Variants in TMCO4 observed in about 807,000 individuals in gnomAD.
The protein encoded by TMCO4 is transmembrane and coiled-coil domains 4.
A neutral mutation model predicts 64.7 loss-of-function variants in TMCO4; 58 were observed. The observed-to-expected ratio is 0.90, with a 90% CI of 0.73 to 1.12. TMCO4 has a LOEUF of 1.12. Ranked by LOEUF, TMCO4 falls within the 50% of genes most tolerant of loss-of-function variation. TMCO4 has a pLI of 0.00. For synonymous variants in TMCO4, 325 were observed against 346.1 expected (o/e 0.94, Z 0.68); for missense variants, 780 against 825.9 (o/e 0.94, Z 0.68).
At chr1:19,785,275 C>A (rs1271876894) in intron 3 of TMCO4, among the ~76,000 whole-genome samples, 1 of 152,246 alleles carries the variant, frequency 6.6e-6, no homozygotes, top group African/African-American at 2.4e-5. Context: ...CCCACAATTA[C>A]TTTGCACCAA....
intron 2 of TMCO4, among the ~76,000 whole-genome samples, chr1:19,796,888 T>C (rs1390814314): frequency 6.6e-6 from 1 of 152,072 alleles, no homozygotes; most frequent in Non-Finnish European, 1.5e-5. Flanking sequence ...TTTTTCTTTA[T>C]CAAATTTACC....
chr1:19,749,054 C>T (rs1437821446), intron 7 of TMCO4, among the ~76,000 whole-genome samples: 1 of 152,180 alleles, frequency 6.6e-6, no homozygotes, highest in Non-Finnish European at 1.5e-5. Flanking sequence ...TATCATGATA[C>T]TGGTTTTCCA....
chr1:19,686,308 C>T (rs1199684033), intron 15 of TMCO4, among the ~76,000 whole-genome samples: 6 of 152,030 alleles, frequency 3.9e-5, no homozygotes, highest in Admixed American at 6.6e-5. Context: ...CGCATGAGAC[C>T]GGACTTTCCT....
At chr1:19,782,378 C>T (rs1367449438) in intron 3 of TMCO4, among the ~76,000 whole-genome samples, 1 of 152,100 alleles carries the variant, frequency 6.6e-6, no homozygotes, top group East Asian at 1.9e-4. Context: ...TGAGGGGTTA[C>T]ATGTGGGAGG....
At position 19,747,169 on chromosome 1, in the gene TMCO4, C is replaced by G; in HGVS notation, c.607G>C (p.Val203Leu). The G allele has an allele frequency of 6.2e-7, 1 of 1,613,938 alleles. No individual in the cohort carries two copies. Among genetic ancestry groups the G allele is most frequent in the Non-Finnish European group, 8.5e-7 (1 of 1,179,902 alleles). ...IGLATVGGGT[V>L]IGVTGGLAAP... Reference sequence around the variant, plus strand: ...CATCTCTAGCTGGACTCACCGATCACCGTTCCGCCTCCGACAGTCGCCAGG... The same window carrying G: ...CATCTCTAGCTGGACTCACCGATCAGCGTTCCGCCTCCGACAGTCGCCAGG... The change falls in exon 8 of 16, where the codon GTG (valine) becomes CTG (leucine). Residue 203 changes from valine (V) to leucine (L), a missense_variant. Val to Leu is a conservative substitution (Grantham distance 32, BLOSUM62 1). Transcript: ENST00000294543.
chr1:19,781,218 T>C (rs1245814356), intron 3 of TMCO4, among the ~76,000 whole-genome samples: 2 of 151,770 alleles, frequency 1.3e-5, no homozygotes, highest in South Asian at 2.1e-4. Context: ...CCCAGCACTT[T>C]TGGAAGCCGA....
In TMCO4 at chr1:19,771,320, C is replaced by T. The variant is rs201632654; in HGVS notation, c.342G>A (p.Thr114=). ...GTGTTGGGTGTACCTGAGTGATCACCGTCGGGTCGTCCTTCAAGATGGGGT... is the reference window on the plus strand; with the variant it reads ...GTGTTGGGTGTACCTGAGTGATCACTGTCGGGTCGTCCTTCAAGATGGGGT... ...LKDPILKDDP[T]VITQDLLSFS... The change falls in exon 5 of 16, where the codon ACG becomes ACA. Residue 114 remains threonine, a synonymous_variant. Transcript: ENST00000294543. The T allele has an allele frequency of 2.8e-5, 45 of 1,613,952 alleles. No individual in the cohort carries two copies. Among genetic ancestry groups the T allele is most frequent in the Non-Finnish European group, 3.6e-5 (42 of 1,179,932 alleles).
chr1:19,682,317 T>G lies in TMCO4; in HGVS notation c.*723A>C, dbSNP rs2095108424. ...GAAATTCTTTCCATGTAAAATTCAT[T>G]CTTGTCCCCAGGCCTAGTTCACAGC... On this transcript the variant is annotated 3_prime_UTR_variant, in exon 16 of 16. Coordinates refer to ENST00000294543, the MANE Select transcript of TMCO4 (RefSeq NM_181719.7). 1 of 292,872 alleles carries G rather than the reference T, an allele frequency of 3.4e-6. No homozygotes were observed. Among genetic ancestry groups the G allele is most frequent in the South Asian group, 9.5e-5 (1 of 10,532 alleles). 18.1% of individuals were successfully genotyped at this position (292,872 alleles called of 1,614,324 possible).
intron 2 of TMCO4, among the ~76,000 whole-genome samples, chr1:19,789,108 C>T (rs981486177): frequency 6.7e-6 from 1 of 149,714 alleles, no homozygotes; most frequent in African/African-American, 2.5e-5. Flanking sequence ...AAAAAAACAA[C>T]AACCATGTTT....
Position 19,722,501 on chromosome 1 carries a change from A to G in TMCO4, c.1264+14871T>C, listed in dbSNP as rs576275258. ...GTTTGATCTACATTAATAATAAGGA[A>G]AACTTGAAGAATGTAGGGGACTTGC... On this transcript the variant is annotated intron_variant, in intron 13 of 15. Transcript: ENST00000294543. Among the ~76,000 whole-genome samples the G allele has an allele frequency of 5.3e-5, 8 of 152,298 alleles. No individual in the cohort carries two copies. In the South Asian group the frequency reaches 8.3e-4, roughly 16 times the overall value.
At chr1:19,769,101 C>T (rs560949531) in intron 6 of TMCO4, among the ~76,000 whole-genome samples, 42 of 152,266 alleles carry the variant, frequency 2.8e-4, no homozygotes, top group African/African-American at 5.8e-4. Context: ...TCAGCACCCT[C>T]CTCTTTTAGG....
chr1:19,707,063 G>A (rs1004625424), intron 13 of TMCO4, among the ~76,000 whole-genome samples: 1 of 152,194 alleles, frequency 6.6e-6, no homozygotes, highest in Non-Finnish European at 1.5e-5. Context: ...CATCTCTCAT[G>A]GAGTCAAAGT....
chr1:19,704,947 T>C (rs2095294420), intron 13 of TMCO4, among the ~76,000 whole-genome samples: 1 of 152,170 alleles, frequency 6.6e-6, no homozygotes, highest in Non-Finnish European at 1.5e-5. Context: ...CTTTCCTCCT[T>C]AGACCACTGC....
chr1:19,793,115 A>G (rs2044133847), intron 2 of TMCO4, among the ~76,000 whole-genome samples: 1 of 151,994 alleles, frequency 6.6e-6, no homozygotes, highest in African/African-American at 2.4e-5. Flanking sequence ...GTAAGTGACT[A>G]TATTAGTGTG....
intron 13 of TMCO4, among the ~76,000 whole-genome samples, chr1:19,713,104 G>T (rs571047980): frequency 6.6e-6 from 1 of 152,158 alleles, no homozygotes; most frequent in Non-Finnish European, 1.5e-5. Context: ...GGCATGATGC[G>T]ATTTCCTGTG....
At chr1:19,698,661 C>G (rs971561820) in intron 14 of TMCO4, among the ~76,000 whole-genome samples, 1 of 147,390 alleles carries the variant, frequency 6.8e-6, no homozygotes, top group African/African-American at 2.5e-5. Flanking sequence ...TTAATTTAAC[C>G]AAAGAACTAC....
At chr1:19,700,177 C>T (rs2095262347) in intron 14 of TMCO4, among the ~76,000 whole-genome samples, 1 of 152,160 alleles carries the variant, frequency 6.6e-6, no homozygotes, top group East Asian at 1.9e-4. Flanking sequence ...TCTCAAACCC[C>T]AAAGGGTTGC....
intron 6 of TMCO4, among the ~76,000 whole-genome samples, chr1:19,768,846 A>G (rs2042859301): frequency 6.6e-6 from 1 of 152,200 alleles, no homozygotes; most frequent in African/African-American, 2.4e-5. Flanking sequence ...TGTATTTCTC[A>G]CAAACCTCCC....
intron 13 of TMCO4, among the ~76,000 whole-genome samples, chr1:19,711,282 A>T (rs1422616415): frequency 6.6e-6 from 1 of 152,222 alleles, no homozygotes; most frequent in African/African-American, 2.4e-5. Context: ...ACACTCTGAG[A>T]TCACTGGAGC....
Sources: gnomAD v4.1 joint callset for allele counts (sites outside exome capture counted in the v4.1 genomes callset) on GRCh38, gnomAD v4.1.1 for gene constraint, MANE v1.5 for transcripts, NCBI Gene and HGNC (gene_info 2026-07-23, HGNC 2026-07-21) for gene names.